The following PKNOX2 variants were observed in gnomAD, a reference collection of about 807,000 sequenced individuals.
PKNOX2 encodes PBX/knotted 1 homeobox 2, also known as homeobox protein PKNOX2.
PKNOX2 carries 14 observed loss-of-function variants against 53.1 expected under a neutral mutation model. That is an observed-to-expected ratio of 0.26 (90% confidence interval 0.17 to 0.41). PKNOX2 has a LOEUF of 0.41. PKNOX2 is among the 10% of genes least tolerant of loss of function. PKNOX2 has a pLI of 1.00. For missense variants in PKNOX2, 496 were observed against 602.8 expected, an observed-to-expected ratio of 0.82 and a Z score of 1.85; for synonymous variants, 257 against 242.8, an observed-to-expected ratio of 1.06 and a Z score of -0.54.
At chr11:125,262,300 A>C (rs887212517) in intron 2 of PKNOX2, among the ~76,000 whole-genome samples, 10 of 152,208 alleles carry the variant, frequency 6.6e-5, no homozygotes, top group Non-Finnish European at 1.5e-4. Flanking sequence ...GACGAAGGTC[A>C]GAACAGACCA....
At chr11:125,217,416 C>A (rs1267153050) in intron 1 of PKNOX2, among the ~76,000 whole-genome samples, 1 of 152,208 alleles carries the variant, frequency 6.6e-6, no homozygotes, top group African/African-American at 2.4e-5. Flanking sequence ...CTTCACGCTT[C>A]CACGTAGCCA....
intron 6 of PKNOX2, among the ~76,000 whole-genome samples, chr11:125,387,167 A>C (rs552607549): frequency 6.6e-6 from 1 of 152,254 alleles, no homozygotes; most frequent in East Asian, 1.9e-4. Context: ...GCTGATCAGA[A>C]CCATAGACTG....
chr11:125,354,869 C>T (rs561444214), intron 4 of PKNOX2, among the ~76,000 whole-genome samples: 7 of 151,186 alleles, frequency 4.6e-5, no homozygotes, highest in Non-Finnish European at 1.0e-4. Context: ...GGCTTCTAGC[C>T]CCTTAGTTCT....
intron 5 of PKNOX2, among the ~76,000 whole-genome samples, chr11:125,378,272 C>A (rs910701907): frequency 1.3e-5 from 2 of 152,222 alleles, no homozygotes; most frequent in African/African-American, 4.8e-5. Context: ...GCCACCGATC[C>A]CTGCGTGCCC....
At chr11:125,265,010 C>T (rs1049361016) in intron 2 of PKNOX2, among the ~76,000 whole-genome samples, 3 of 152,054 alleles carry the variant, frequency 2.0e-5, no homozygotes, top group African/African-American at 4.8e-5. Flanking sequence ...GGCTTATGGC[C>T]GGGCATGGTG....
chr11:125,231,523 A>G (rs531104653), intron 1 of PKNOX2, among the ~76,000 whole-genome samples: 1 of 152,360 alleles, frequency 6.6e-6, no homozygotes, highest in East Asian at 1.9e-4. Flanking sequence ...AGCCTTTGCC[A>G]TGATTATTTG....
chr11:125,349,543 A>G (rs1951184979), intron 3 of PKNOX2, among the ~76,000 whole-genome samples: 1 of 152,086 alleles, frequency 6.6e-6, no homozygotes. Flanking sequence ...TGAAGTCGGC[A>G]TTTTTAGCAC....
At chr11:125,415,234 CTTTTTTTTTT>C (rs35920181) in intron 10 of PKNOX2, among the ~76,000 whole-genome samples, 1 of 77,588 alleles carries the variant, frequency 1.3e-5, no homozygotes, top group Admixed American at 1.7e-4. Context: ...TAAAGTTTAG[CTTTTTTTTTT>C]TTTTTTTTTT....
Position 125,181,865 on chromosome 11 carries a change from AG to A in PKNOX2, c.-201+17091del, listed in dbSNP as rs1956173312. On this transcript the variant is annotated intron_variant, in intron 1 of 12. Transcript: ENST00000298282. ...AGCATTTCATGGCTCAGTGTTTTTAAGGAATCTGGCCCATTTGGCTTCAGTT... is the reference window on the plus strand; with the variant it reads ...AGCATTTCATGGCTCAGTGTTTTTAAGAATCTGGCCCATTTGGCTTCAGTT... Among the ~76,000 whole-genome samples, 5 of 152,286 alleles carry A rather than the reference AG, an allele frequency of 3.3e-5. No homozygotes were observed. The South Asian group carries it at 1.0e-3, about 32-fold the overall frequency.
intron 1 of PKNOX2, among the ~76,000 whole-genome samples, chr11:125,178,680 G>A (rs148027136): frequency 0.072 from 2,904 of 40,110 alleles, 109 homozygotes; most frequent in East Asian, 0.22. Flanking sequence ...GAAAGAAAGA[G>A]AGAGAGAGAG....
At chr11:125,380,719 G>C (rs1043348416) in intron 5 of PKNOX2, among the ~76,000 whole-genome samples, 2 of 152,306 alleles carry the variant, frequency 1.3e-5, no homozygotes, top group East Asian at 3.9e-4. Flanking sequence ...CTCTAACTGG[G>C]AATCCTTCTC....
rs1950662286 is a variant in PKNOX2, at chr11:125,341,103, T to C, written c.-23+9178T>C. ...CCGGCCAGGCACAGTGACTAATGTCTATAATCCCAGAACTTTGGAAGGCCG... is the reference window on the plus strand; with the variant it reads ...CCGGCCAGGCACAGTGACTAATGTCCATAATCCCAGAACTTTGGAAGGCCG... On this transcript the variant is annotated intron_variant, in intron 3 of 12. Coordinates refer to ENST00000298282, the MANE Select transcript of PKNOX2 (RefSeq NM_001382323.2). Among the ~76,000 whole-genome samples, 3 of 142,208 alleles carry C rather than the reference T, an allele frequency of 2.1e-5. No individual in the cohort carries two copies. The Admixed American group carries it at 2.2e-4, about 10-fold the overall frequency. The allele number at this position is 142,208 out of a possible 152,430, so 93.3% of individuals were successfully genotyped here.
chr11:125,382,879 T>C (rs1477496566), intron 5 of PKNOX2, among the ~76,000 whole-genome samples: 2 of 152,214 alleles, frequency 1.3e-5, no homozygotes, highest in East Asian at 3.8e-4. Flanking sequence ...TAGATCTTTC[T>C]CAATGGATCT....
intron 2 of PKNOX2, among the ~76,000 whole-genome samples, chr11:125,293,211 C>A (rs766916994): frequency 5.3e-5 from 8 of 152,148 alleles, no homozygotes; most frequent in Non-Finnish European, 1.2e-4. Context: ...AATACACACA[C>A]ACACAACTAT....
intron 4 of PKNOX2, among the ~76,000 whole-genome samples, chr11:125,358,886 C>T (rs1345439857): frequency 2.6e-5 from 4 of 152,168 alleles, no homozygotes; most frequent in African/African-American, 4.8e-5. Context: ...GAGACCAGCC[C>T]GCTCATGAGA....
chr11:125,293,801 GCTCACACACA>G (rs61336809), intron 2 of PKNOX2, among the ~76,000 whole-genome samples: 8,336 of 149,832 alleles, frequency 0.056, 672 homozygotes, highest in African/African-American at 0.18. Flanking sequence ...ACACACACAC[GCTCACACACA>G]CTCACACACA....
chr11:125,172,148 C>T (rs917598387), intron 1 of PKNOX2, among the ~76,000 whole-genome samples: 1 of 152,166 alleles, frequency 6.6e-6, no homozygotes, highest in Non-Finnish European at 1.5e-5. Context: ...TGCAAGGGAG[C>T]AGCCTGGACT....
chr11:125,370,763 T>C lies in PKNOX2; in HGVS notation c.227+2778T>C, dbSNP rs559687192. Among the ~76,000 whole-genome samples the C allele has an allele frequency of 1.3e-5, 2 of 152,338 alleles. No individual in the cohort carries two copies. The highest frequency in any genetic ancestry group is 3.9e-4 in the East Asian group (2 of 5,188). On this transcript the variant is annotated intron_variant, in intron 5 of 12. Coordinates refer to ENST00000298282, the MANE Select transcript of PKNOX2 (RefSeq NM_001382323.2). This position sits in a 1 kb window ranked among gnomAD's most constrained non-coding sequence, Gnocchi z 4.1. ...ACCAGGGAGGGAGCTCAGCCTCCTGTAGGGTCGGGTAATTTTAATTAGATT... is the reference window on the plus strand; with the variant it reads ...ACCAGGGAGGGAGCTCAGCCTCCTGCAGGGTCGGGTAATTTTAATTAGATT...
intron 1 of PKNOX2, among the ~76,000 whole-genome samples, chr11:125,196,974 A>C (rs1183567157): frequency 6.6e-6 from 1 of 152,202 alleles, no homozygotes; most frequent in Non-Finnish European, 1.5e-5. Context: ...CTATTGGGTA[A>C]AGCCGTAAGC....
Sources: allele counts gnomAD v4.1 joint callset (sites outside exome capture counted in the v4.1 genomes callset), GRCh38; gene constraint gnomAD v4.1.1; non-coding constraint Gnocchi (gnomAD v3.1); transcripts MANE v1.5; gene names NCBI Gene and HGNC (gene_info 2026-07-23, HGNC 2026-07-21).